SH3GL3: variants seen among roughly 807,000 people sequenced by gnomAD.
The protein encoded by SH3GL3 is endophilin-A3.
Under a neutral mutation model 47.7 loss-of-function variants are expected in SH3GL3, and 33 were observed. That is an observed-to-expected ratio of 0.69 (90% CI 0.52 to 0.92). The LOEUF is 0.92. Ranked by LOEUF, SH3GL3 falls within the 40% of genes least tolerant of loss-of-function variation. SH3GL3 has a pLI of 0.00. For synonymous variants in SH3GL3, 155 were observed against 148.8 expected (o/e 1.04, Z -0.30); for missense variants, 363 against 417.8 (o/e 0.87, Z 1.14).
intron 6 of SH3GL3, among the ~76,000 whole-genome samples, chr15:83,579,027 T>C (rs1298669583): frequency 6.6e-6 from 1 of 152,196 alleles, no homozygotes; most frequent in African/African-American, 2.4e-5. Flanking sequence ...GGGAAGCCTG[T>C]CTGAGCCACG....
Position 83,526,948 on chromosome 15 carries a change from T to C in SH3GL3, c.46-32305T>C, listed in dbSNP as rs571922023. On this transcript the variant is annotated intron_variant, in intron 1 of 8. Transcript: ENST00000427482. ...GATCTTTCACCTCCTTGGTTAAATG[T>C]ATTCCTAGGTATTTCTTTGGTAACT... Among the ~76,000 whole-genome samples, 6 of 152,324 alleles carry C rather than the reference T, an allele frequency of 3.9e-5. No homozygotes were observed. In the East Asian group the frequency reaches 1.2e-3, roughly 29 times the overall value.
chr15:83,594,570 A>T (rs1475044423), intron 8 of SH3GL3, among the ~76,000 whole-genome samples: 1 of 152,246 alleles, frequency 6.6e-6, no homozygotes, highest in African/African-American at 2.4e-5. Flanking sequence ...TCCTATCCAG[A>T]ATAGCACGTT....
chr15:83,474,597 A>G (rs2041008419), intron 1 of SH3GL3, among the ~76,000 whole-genome samples: 1 of 151,672 alleles, frequency 6.6e-6, no homozygotes, highest in Admixed American at 6.6e-5. Context: ...GTTTTTGAAT[A>G]GTGGAAGGAT....
intron 8 of SH3GL3, among the ~76,000 whole-genome samples, chr15:83,610,998 T>TATAA (rs35806493): frequency 4.7e-5 from 7 of 149,694 alleles, no homozygotes; most frequent in Admixed American, 2.0e-4. Context: ...TATATATATA[T>TATAA]AATATGTATG....
intron 1 of SH3GL3, among the ~76,000 whole-genome samples, chr15:83,464,126 G>C (rs985986029): frequency 1.3e-5 from 2 of 152,118 alleles, no homozygotes; most frequent in African/African-American, 4.8e-5. Context: ...TGTGCTCTGA[G>C]ACCATGCTTG....
At chr15:83,500,696 A>G (rs1399902673) in intron 1 of SH3GL3, among the ~76,000 whole-genome samples, 2 of 152,152 alleles carry the variant, frequency 1.3e-5, no homozygotes, top group Non-Finnish European at 2.9e-5. Context: ...TCTCCCTTCC[A>G]GGGACTACTC....
intron 1 of SH3GL3, 85 bp from the exon 2 acceptor site, chr15:83,559,168 T>C: frequency 1.2e-6 from 1 of 808,262 alleles, no homozygotes; most frequent in Non-Finnish European, 2.0e-6. Flanking sequence ...ATCCAAGTTT[T>C]TTTGTTTCTG....
chr15:83,515,073 T>C (rs931494867), intron 1 of SH3GL3, among the ~76,000 whole-genome samples: 28 of 152,244 alleles, frequency 1.8e-4, no homozygotes, highest in African/African-American at 6.3e-4. Context: ...AGCCCCTTGA[T>C]TTTAGCCCTG....
intron 1 of SH3GL3, among the ~76,000 whole-genome samples, chr15:83,449,184 CAATA>C (rs986207816): frequency 2.6e-5 from 4 of 152,116 alleles, no homozygotes; most frequent in African/African-American, 9.7e-5. Context: ...AGTGACCACT[CAATA>C]AATATTTATT....
chr15:83,566,365 A>AGTGTGTGTGTGTGTGTGT (rs57323112), intron 3 of SH3GL3, among the ~76,000 whole-genome samples: 7 of 136,626 alleles, frequency 5.1e-5, no homozygotes, highest in Non-Finnish European at 1.1e-4. Context: ...AGAGAGAGAG[A>AGTGTGTGTGTGTGTGTGT]GTGTGTGTGT....
At chr15:83,589,672 C>T (rs971840016) in intron 8 of SH3GL3, among the ~76,000 whole-genome samples, 2 of 152,292 alleles carry the variant, frequency 1.3e-5, no homozygotes, top group African/African-American at 2.4e-5. Context: ...CCACTGTACC[C>T]AGCCTTTTTT....
At chr15:83,573,194 G>A (rs1449136547) in intron 5 of SH3GL3, among the ~76,000 whole-genome samples, 1 of 152,126 alleles carries the variant, frequency 6.6e-6, no homozygotes, top group Non-Finnish European at 1.5e-5. Context: ...CACTTGCATG[G>A]TGGCATTTTT....
chr15:83,546,469 C>T (rs951793803), intron 1 of SH3GL3, among the ~76,000 whole-genome samples: 1 of 151,916 alleles, frequency 6.6e-6, no homozygotes, highest in Non-Finnish European at 1.5e-5. Context: ...GAATGCCCTC[C>T]AGGAGCTAAG....
chr15:83,584,379 G>A (rs1017058707), intron 6 of SH3GL3, among the ~76,000 whole-genome samples: 8 of 152,060 alleles, frequency 5.3e-5, no homozygotes, highest in Non-Finnish European at 1.0e-4. Context: ...AATCATAACC[G>A]CAAAGTCCCT....
At chr15:83,539,278 G>C (rs2044054503) in intron 1 of SH3GL3, among the ~76,000 whole-genome samples, 1 of 152,172 alleles carries the variant, frequency 6.6e-6, no homozygotes, top group South Asian at 2.1e-4. Flanking sequence ...ACCAGATCTG[G>C]TGTCTGATAA....
At chr15:83,610,095 G>A (rs1346626776) in intron 8 of SH3GL3, among the ~76,000 whole-genome samples, 3 of 152,204 alleles carry the variant, frequency 2.0e-5, no homozygotes, top group African/African-American at 7.2e-5. Flanking sequence ...GACCTTCCTG[G>A]GGATCTGCGT....
intron 8 of SH3GL3, among the ~76,000 whole-genome samples, chr15:83,612,866 G>T (rs957091138): frequency 6.6e-6 from 1 of 151,988 alleles, no homozygotes; most frequent in Non-Finnish European, 1.5e-5. Flanking sequence ...TCTCTCTCTC[G>T]CTCTTAAATC....
intron 1 of SH3GL3, among the ~76,000 whole-genome samples, chr15:83,498,704 C>T (rs1051458244): frequency 2.6e-5 from 4 of 152,176 alleles, no homozygotes; most frequent in Admixed American, 6.5e-5. Context: ...CCACCTCTCC[C>T]ACCTATTTTC....
chr15:83,488,528 G>A (rs1285971004), intron 1 of SH3GL3, among the ~76,000 whole-genome samples: 1 of 152,200 alleles, frequency 6.6e-6, no homozygotes, highest in Non-Finnish European at 1.5e-5. Flanking sequence ...CCCACATGGT[G>A]CTCTTTGTAT....
Sources: gnomAD v4.1 joint callset for allele counts (sites outside exome capture counted in the v4.1 genomes callset) on GRCh38, gnomAD v4.1.1 for gene constraint, MANE v1.5 for transcripts, NCBI Gene and HGNC (gene_info 2026-07-23, HGNC 2026-07-21) for gene names.